The following ATP8B4 variants were observed in gnomAD, a reference collection of about 807,000 sequenced individuals.
ATP8B4 encodes the protein ATPase phospholipid transporting 8B4 (putative).
ATP8B4 carries 133 observed loss-of-function variants against 145.6 expected under a neutral mutation model. The observed-to-expected ratio is 0.91, with a 90% CI of 0.79 to 1.05. ATP8B4 has a LOEUF of 1.05. ATP8B4 is among the 50% of genes least tolerant of loss of function. The pLI, the probability that ATP8B4 is intolerant of heterozygous loss-of-function variation, is 0.00. For missense variants in ATP8B4, 1,458 were observed against 1,425.2 expected, an observed-to-expected ratio of 1.02 and a Z score of -0.37; for synonymous variants, 507 against 492.9, an observed-to-expected ratio of 1.03 and a Z score of -0.38.
At position 49,989,591 on chromosome 15, in the gene ATP8B4, A is replaced by G. The variant is rs984320985; in HGVS notation, c.590-2042T>C. On this transcript the variant is annotated intron_variant, in intron 9 of 27. Coordinates refer to ENST00000284509, the MANE Select transcript of ATP8B4 (RefSeq NM_024837.4). ...GCTTGCCCCTCCCTGACCTCACACC[A>G]AGGGTGTGGTTCTAGACAGGAACAG... Among the ~76,000 whole-genome samples the G allele has an allele frequency of 3.3e-5, 5 of 152,164 alleles. No individual in the cohort carries two copies. The South Asian group carries it at 1.0e-3, about 32-fold the overall frequency.
chr15:50,115,685 A>G (rs1209086640), intron 1 of ATP8B4, among the ~76,000 whole-genome samples: 1 of 152,070 alleles, frequency 6.6e-6, no homozygotes, highest in Non-Finnish European at 1.5e-5. Flanking sequence ...TAAGAGCTGG[A>G]TTCTGAAAGA....
chr15:50,177,026 CATGCTAG>C (rs2044773729), intron 1 of ATP8B4, among the ~76,000 whole-genome samples: 1 of 152,080 alleles, frequency 6.6e-6, no homozygotes, highest in African/African-American at 2.4e-5. Flanking sequence ...CAAATGGTAC[CATGCTAG>C]ACAGTCAATA....
At chr15:49,862,649 A>G (rs2032050993) in intron 26 of ATP8B4, among the ~76,000 whole-genome samples, 1 of 151,978 alleles carries the variant, frequency 6.6e-6, no homozygotes, top group African/African-American at 2.4e-5. Flanking sequence ...TGGTAGAGGC[A>G]GGGTTTCACC....
At position 50,156,138 on chromosome 15, in the gene ATP8B4, AAATATATATATATATATT is replaced by A. The variant is rs2044415438; in HGVS notation, c.-43+26105_-43+26122del. 2.2e-4 allele frequency among the ~76,000 whole-genome samples: 3 copies of A among 13,840 alleles called. No individual in the cohort carries two copies. The East Asian group carries it at 0.01, about 46-fold the overall frequency. 9.1% of individuals were successfully genotyped at this position (13,840 alleles called of 152,430 possible). A position where few individuals can be genotyped will look rare whatever the true frequency, so the allele number is the denominator to read the frequency against. ...TATATAAATATATTTATATATATAT[AAATATATATATATATATT>A]TGTTTGCTGGTTTAACTAGTCAATG... On this transcript the variant is annotated intron_variant, in intron 1 of 3. Coordinates refer to the ATP8B4 transcript ENST00000558829.
At chr15:50,175,825 T>A (rs985688410) in intron 1 of ATP8B4, among the ~76,000 whole-genome samples, 2 of 152,178 alleles carry the variant, frequency 1.3e-5, no homozygotes, top group Non-Finnish European at 2.9e-5. Context: ...AACTACGATT[T>A]GATCCAGCAA....
intron 8 of ATP8B4, among the ~76,000 whole-genome samples, chr15:50,000,464 T>C (rs2047794161): frequency 6.6e-6 from 1 of 152,198 alleles, no homozygotes. Context: ...TGAGCATCTT[T>C]TCATGTGCTT....
At chr15:50,151,169 G>T (rs1380441047) in intron 1 of ATP8B4, among the ~76,000 whole-genome samples, 4 of 152,188 alleles carry the variant, frequency 2.6e-5, no homozygotes, top group Admixed American at 6.5e-5. Context: ...GGATTGGAAG[G>T]CTCTAGAATT....
At position 49,892,252 on chromosome 15, in the gene ATP8B4, G is replaced by A. The variant is rs1256201096; in HGVS notation, c.2697+5040C>T. Among the ~76,000 whole-genome samples the A allele has an allele frequency of 3.3e-5, 5 of 152,198 alleles. No individual in the cohort carries two copies. In the East Asian group the frequency reaches 9.6e-4, roughly 29 times the overall value. The stretch of plus-strand genomic sequence containing the variant: ...AGAGAACTTTCTTAAAGTGTGACAA[G>A]TTGTGTTTTTAATAAGAAAGCTATA... On this transcript the variant is annotated intron_variant, in intron 23 of 27. Coordinates refer to ENST00000284509, the MANE Select transcript of ATP8B4 (RefSeq NM_024837.4).
intron 16 of ATP8B4, among the ~76,000 whole-genome samples, chr15:49,924,950 C>T (rs1344898841): frequency 1.3e-5 from 2 of 152,112 alleles, no homozygotes; most frequent in Admixed American, 6.6e-5. Flanking sequence ...ATATTTTCTC[C>T]CTTCCAACAC....
chr15:49,916,878 T>A, intron 20 of ATP8B4, 56 bp downstream of exon 20: 1 of 1,515,104 alleles, frequency 6.6e-7, no homozygotes, highest in Non-Finnish European at 9.1e-7. Context: ...TCTCTGATCT[T>A]TTTTCCCTCC....
intron 1 of ATP8B4, among the ~76,000 whole-genome samples, chr15:50,172,684 A>G (rs1484080640): frequency 2.0e-5 from 3 of 149,740 alleles, no homozygotes; most frequent in Admixed American, 2.0e-4. Context: ...CCGTCATCCC[A>G]TCTAGGAAGT....
chr15:50,072,728 C>T (rs976508246), intron 3 of ATP8B4, among the ~76,000 whole-genome samples: 5 of 151,478 alleles, frequency 3.3e-5, no homozygotes, highest in East Asian at 3.9e-4. Context: ...TGGGTTCAAG[C>T]GGTTCTCCTG....
At chr15:50,169,773 CA>C (rs200257951) in intron 1 of ATP8B4, among the ~76,000 whole-genome samples, 5,338 of 151,932 alleles carry the variant, frequency 0.035, 113 homozygotes, top group Admixed American at 0.052. Flanking sequence ...CATGGAAATT[CA>C]AAAAATGATA....
intron 13 of ATP8B4, among the ~76,000 whole-genome samples, 179 bp from the exon 14 acceptor site, chr15:49,962,199 T>C (rs1203686205): frequency 6.6e-6 from 1 of 152,240 alleles, no homozygotes; most frequent in Non-Finnish European, 1.5e-5. Context: ...ATGGCAATTA[T>C]GCAGTGAGAC....
At chr15:50,029,251 A>C (rs1159353823) in intron 6 of ATP8B4, among the ~76,000 whole-genome samples, 1 of 150,988 alleles carries the variant, frequency 6.6e-6, no homozygotes, top group Non-Finnish European at 1.5e-5. Flanking sequence ...AAAAAAAAAA[A>C]AAAAAACAGA....
chr15:49,874,464 G>A (rs1315870089), intron 25 of ATP8B4, among the ~76,000 whole-genome samples: 2 of 152,112 alleles, frequency 1.3e-5, no homozygotes. Flanking sequence ...GGGATTGGAG[G>A]GATGGCTAGG....
At chr15:49,953,180 G>A (rs944031606) in intron 14 of ATP8B4, among the ~76,000 whole-genome samples, 11 of 151,936 alleles carry the variant, frequency 7.2e-5, no homozygotes, top group African/African-American at 1.7e-4. Context: ...GAAGGGTCTC[G>A]CCCAGCTGGG....
intron 27 of ATP8B4, among the ~76,000 whole-genome samples, chr15:49,860,701 TCAGA>T (rs1000169796): frequency 6.6e-6 from 1 of 152,164 alleles, no homozygotes; most frequent in African/African-American, 2.4e-5. Context: ...TTAAGAAATA[TCAGA>T]CAAATTTCAT....
intron 1 of ATP8B4, among the ~76,000 whole-genome samples, chr15:50,164,071 G>A (rs748063600): frequency 1.3e-5 from 2 of 152,162 alleles, no homozygotes; most frequent in Non-Finnish European, 2.9e-5. Flanking sequence ...ATGTTGTTCA[G>A]GAGCCAATGC....
Sources: allele counts gnomAD v4.1 joint callset (sites outside exome capture counted in the v4.1 genomes callset), GRCh38; gene constraint gnomAD v4.1.1; transcripts MANE v1.5; gene names NCBI Gene and HGNC (gene_info 2026-07-23, HGNC 2026-07-21).